Variants in CENPP observed in about 807,000 individuals in gnomAD.
CENPP encodes centromere protein P.
In CENPP, 24 loss-of-function variants were observed where a neutral mutation model predicts 35.6. That is an observed-to-expected ratio of 0.67 (90% CI 0.49 to 0.95). The LOEUF (loss-of-function observed/expected upper bound fraction) is 0.95, where lower values mean the gene tolerates loss of function less well. Among genes scored for constraint, CENPP ranks in the 40% least tolerant of loss-of-function variants. The pLI is 0.00. For synonymous variants in CENPP, 120 were observed against 125.5 expected, an observed-to-expected ratio of 0.96 and a Z score of 0.29; for missense variants, 332 against 345.3, an observed-to-expected ratio of 0.96 and a Z score of 0.31.
In CENPP at chr9:92,465,475, A is replaced by G. The variant is rs762948885; in HGVS notation, c.564+85616A>G. On this transcript the variant is annotated intron_variant, in intron 5 of 7. Transcript: ENST00000375587. ...TTTGTTAGCAGAAATATAACCTTGA[A>G]GAAATGCCAGTAAGTGAGGCCAGGC... 5.3e-5 allele frequency among the ~76,000 whole-genome samples: 8 copies of G among 152,354 alleles called. No homozygotes were observed. In the Middle Eastern group the frequency reaches 0.01, roughly 194 times the overall value.
At chr9:92,573,314 T>C (rs1378863704) in intron 5 of CENPP, among the ~76,000 whole-genome samples, 1 of 152,226 alleles carries the variant, frequency 6.6e-6, no homozygotes, top group African/African-American at 2.4e-5. Flanking sequence ...GTTTTCCTTC[T>C]AACAGTCAGG....
intron 5 of CENPP, among the ~76,000 whole-genome samples, chr9:92,420,012 G>A (rs1291528205): frequency 6.6e-6 from 1 of 152,022 alleles, no homozygotes; most frequent in Non-Finnish European, 1.5e-5. Flanking sequence ...TGTGTATTTG[G>A]AATTTGAAGT....
chr9:92,362,895 G>A (rs1287069484), intron 4 of CENPP, among the ~76,000 whole-genome samples: 3 of 151,718 alleles, frequency 2.0e-5, no homozygotes, highest in East Asian at 3.9e-4. Flanking sequence ...TTTTTCCAAC[G>A]ATTTATAATT....
At chr9:92,511,280 C>T (rs1847321414) in intron 5 of CENPP, among the ~76,000 whole-genome samples, 1 of 152,068 alleles carries the variant, frequency 6.6e-6, no homozygotes. Context: ...TGCATGCCAC[C>T]ACGCTCGGCT....
chr9:92,509,750 G>T, intron 5 of CENPP: 1 of 778,052 alleles, frequency 1.3e-6, no homozygotes, highest in Non-Finnish European at 1.9e-6. Flanking sequence ...CCAGTCAATA[G>T]TTAAAAGAAG....
At chr9:92,516,075 C>G (rs185219551) in intron 5 of CENPP, among the ~76,000 whole-genome samples, 1 of 149,672 alleles carries the variant, frequency 6.7e-6, no homozygotes, top group South Asian at 2.2e-4. Flanking sequence ...TTTTTTTTCC[C>G]CCCCCCGAGA....
intron 5 of CENPP, among the ~76,000 whole-genome samples, chr9:92,574,486 C>T (rs867837892): frequency 6.6e-6 from 1 of 151,880 alleles, no homozygotes; most frequent in Non-Finnish European, 1.5e-5. Flanking sequence ...GTTACAATAG[C>T]ATAAAAAAAG....
chr9:92,537,818 G>A (rs1298222737), intron 5 of CENPP, among the ~76,000 whole-genome samples: 1 of 152,102 alleles, frequency 6.6e-6, no homozygotes, highest in Non-Finnish European at 1.5e-5. Context: ...AAACAGGAAG[G>A]TTATTTTTTC....
intron 5 of CENPP, among the ~76,000 whole-genome samples, chr9:92,563,650 A>T (rs1849897059): frequency 6.6e-6 from 1 of 152,172 alleles, no homozygotes; most frequent in African/African-American, 2.4e-5. Flanking sequence ...TTCTTCAAAC[A>T]CTCAATTATT....
chr9:92,410,810 G>A (rs1483823890), intron 5 of CENPP, among the ~76,000 whole-genome samples: 2 of 152,098 alleles, frequency 1.3e-5, no homozygotes, highest in Non-Finnish European at 2.9e-5. Flanking sequence ...CACTTTATGT[G>A]CTTTATTATA....
intron 5 of CENPP, among the ~76,000 whole-genome samples, chr9:92,602,764 G>A (rs1850957132): frequency 6.6e-6 from 1 of 152,238 alleles, no homozygotes; most frequent in Non-Finnish European, 1.5e-5. Flanking sequence ...GACAGGCGGT[G>A]TGAACAGGCG....
At chr9:92,468,951 A>C (rs1029920122) in intron 5 of CENPP, among the ~76,000 whole-genome samples, 1 of 152,242 alleles carries the variant, frequency 6.6e-6, no homozygotes, top group Non-Finnish European at 1.5e-5. Context: ...TAATAAAATA[A>C]TGATATGATG....
At chr9:92,474,791 T>A (rs775007730) in intron 5 of CENPP, 2 of 1,609,250 alleles carry the variant, frequency 1.2e-6, no homozygotes, top group Non-Finnish European at 1.7e-6. Context: ...ATCATCTGTG[T>A]CTTCCATATC....
intron 5 of CENPP, chr9:92,385,857 G>A: frequency 6.6e-7 from 1 of 1,511,700 alleles, no homozygotes; most frequent in South Asian, 1.2e-5. Flanking sequence ...TATATAATGG[G>A]TAAAGGAAAC....
intron 5 of CENPP, among the ~76,000 whole-genome samples, chr9:92,420,048 C>A (rs762961359): frequency 5.9e-5 from 9 of 152,152 alleles, no homozygotes; most frequent in Non-Finnish European, 8.8e-5. Flanking sequence ...GTCAGAGACC[C>A]TTGAGCTCTC....
chr9:92,409,406 A>G (rs1487496437), intron 5 of CENPP, among the ~76,000 whole-genome samples: 1 of 152,212 alleles, frequency 6.6e-6, no homozygotes, highest in African/African-American at 2.4e-5. Context: ...AGAACAGACA[A>G]GGTTTATTTC....
chr9:92,407,904 T>C (rs1843350242), intron 5 of CENPP, among the ~76,000 whole-genome samples: 1 of 152,210 alleles, frequency 6.6e-6, no homozygotes, highest in Non-Finnish European at 1.5e-5. Context: ...GTATTATCTT[T>C]GGTGCCTTAT....
Position 92,346,889 on chromosome 9 carries a change from TAAGGG to T in CENPP, c.467+1107_467+1111del, listed in dbSNP as rs368787315. On this transcript the variant is annotated intron_variant, in intron 4 of 7. Transcript: ENST00000375587. Reference sequence around the variant, plus strand: ...TGATTATGGTGGTCCCGTCTGCTGTTAAGGGAAGGTTGGAAGAGGACCATTGTCAG... The same window carrying T: ...TGATTATGGTGGTCCCGTCTGCTGTTAAGGTTGGAAGAGGACCATTGTCAG... Among the ~76,000 whole-genome samples, 699 of 152,004 alleles carry T rather than the reference TAAGGG, an allele frequency of 4.6e-3. 3 individuals are homozygous for T. The highest frequency in any genetic ancestry group is 0.015 in the African/African-American group (613 of 41,430).
At chr9:92,357,780 C>A (rs940875024) in intron 4 of CENPP, among the ~76,000 whole-genome samples, 1 of 152,018 alleles carries the variant, frequency 6.6e-6, no homozygotes, top group Non-Finnish European at 1.5e-5. Flanking sequence ...CAGGTGTGAG[C>A]CACCGCACCC....
Sources: gnomAD v4.1 joint callset for allele counts (sites outside exome capture counted in the v4.1 genomes callset) on GRCh38, gnomAD v4.1.1 for gene constraint, MANE v1.5 for transcripts, NCBI Gene and HGNC (gene_info 2026-07-23, HGNC 2026-07-21) for gene names.